IFT74: variants seen among roughly 807,000 people sequenced by gnomAD.
IFT74 encodes the protein intraflagellar transport 74, also known as intraflagellar transport protein 74 homolog.
In IFT74, 92 loss-of-function variants were observed where a neutral mutation model predicts 96.7. The ratio of observed to expected loss-of-function variants is 0.95; its 90% CI spans 0.80 to 1.13. The LOEUF (loss-of-function observed/expected upper bound fraction) is 1.13. Among genes scored for constraint, IFT74 ranks in the 50% most tolerant of loss-of-function variants. The pLI is 0.00. For synonymous variants in IFT74, 223 were observed against 213.2 expected (o/e 1.05, Z -0.40); for missense variants, 811 against 698.2 (o/e 1.16, Z -1.82).
At chr9:26,957,446 A>C (rs1826163113) in intron 1 of IFT74, among the ~76,000 whole-genome samples, 1 of 152,176 alleles carries the variant, frequency 6.6e-6, no homozygotes, top group African/African-American at 2.4e-5. Context: ...TCCTTTTTCC[A>C]TTTGAAATTC....
rs1270199428 is a variant in IFT74 at position 26,962,057 on chromosome 9, C to T, written c.90C>T (p.Pro30=). ...GAAGGCCTCCTTCTGGGATACGACC[C>T]CTATCAGGAAATATTCGAGTGGCAA... ...LTGRPPSGIR[P]LSGNIRVATA... The change falls in exon 2 of 20, where the codon CCC becomes CCT. Residue 30 remains proline (P), a synonymous_variant. Coordinates refer to ENST00000380062, the MANE Select transcript of IFT74 (RefSeq NM_025103.4). 1 of 1,614,118 alleles carries T rather than the reference C, an allele frequency of 6.2e-7. No individual in the cohort carries two copies. Among genetic ancestry groups the T allele is most frequent in the Non-Finnish European group, 8.5e-7 (1 of 1,180,012 alleles).
In IFT74 at chr9:27,052,468, A is replaced by G. The variant is rs151136592; in HGVS notation, c.1334-3141A>G. ...GGTTGCAGTGAGCCGAGATCGCGCCATTGCACTCCAGCCTGGGCAACAGAG... is the reference window on the plus strand; with the variant it reads ...GGTTGCAGTGAGCCGAGATCGCGCCGTTGCACTCCAGCCTGGGCAACAGAG... On this transcript the variant is annotated intron_variant, in intron 16 of 19. Coordinates refer to ENST00000380062, the MANE Select transcript of IFT74 (RefSeq NM_025103.4). 2.3e-3 allele frequency among the ~76,000 whole-genome samples: 336 copies of G among 147,442 alleles called. 1 individual carries two copies. Among genetic ancestry groups the G allele is most frequent in the African/African-American group, 7.7e-3 (306 of 39,650 alleles).
intron 8 of IFT74, chr9:26,995,211 G>T (rs1054778774): frequency 3.1e-5 from 6 of 191,756 alleles, no homozygotes; most frequent in Admixed American, 2.1e-4. Flanking sequence ...GTTAATATGA[G>T]AATCCATTCA....
intron 18 of IFT74, 113 bp downstream of exon 18, chr9:27,056,572 T>A: frequency 1.2e-6 from 1 of 833,494 alleles, no homozygotes. Context: ...TTTCTGACTT[T>A]TAAGACAGCC....
intron 2 of IFT74, among the ~76,000 whole-genome samples, chr9:26,967,000 T>G (rs1307950892): frequency 6.6e-6 from 1 of 152,030 alleles, no homozygotes; most frequent in Non-Finnish European, 1.5e-5. Context: ...ATTTCTGGGT[T>G]CTCTATTCTG....
At chr9:27,046,064 A>T (rs1226369972) in intron 14 of IFT74, among the ~76,000 whole-genome samples, 1 of 152,182 alleles carries the variant, frequency 6.6e-6, no homozygotes, top group Admixed American at 6.5e-5. Context: ...CCTAGCTCAG[A>T]TTTCTTTCCA....
intron 13 of IFT74, among the ~76,000 whole-genome samples, chr9:27,040,522 G>A (rs1334826277): frequency 7.8e-6 from 1 of 128,354 alleles, no homozygotes; most frequent in Non-Finnish European, 1.5e-5. Flanking sequence ...TCCAGCCTGG[G>A]CAACAGAACG....
intron 8 of IFT74, among the ~76,000 whole-genome samples, chr9:26,996,057 T>C (rs894059646): frequency 6.6e-6 from 1 of 152,348 alleles, no homozygotes; most frequent in East Asian, 1.9e-4. Context: ...AAGACCATTA[T>C]TGATTTATAC....
intron 12 of IFT74, among the ~76,000 whole-genome samples, chr9:27,026,554 AAGAC>A (rs1446951271): frequency 6.6e-6 from 1 of 152,232 alleles, no homozygotes; most frequent in African/African-American, 2.4e-5. Context: ...GACGTCCTGC[AAGAC>A]AGACCATATG....
At chr9:27,011,716 A>C (rs1326586396) in intron 9 of IFT74, among the ~76,000 whole-genome samples, 190 bp from the exon 10 acceptor site, 1 of 151,820 alleles carries the variant, frequency 6.6e-6, no homozygotes, top group Non-Finnish European at 1.5e-5. Flanking sequence ...GAAAAATAGA[A>C]ATAATGAAGT....
chr9:27,021,205 A>C (rs1214418809), intron 12 of IFT74, among the ~76,000 whole-genome samples: 2 of 152,184 alleles, frequency 1.3e-5, no homozygotes, highest in African/African-American at 4.8e-5. Flanking sequence ...ACACACATAC[A>C]TACCACATTT....
At chr9:27,002,714 A>G (rs1484685302) in intron 8 of IFT74, among the ~76,000 whole-genome samples, 1 of 152,180 alleles carries the variant, frequency 6.6e-6, no homozygotes, top group Non-Finnish European at 1.5e-5. Context: ...TTTTGAAGTC[A>G]GGTAGTGTGA....
Position 27,029,005 on chromosome 9 carries a change from A to G in IFT74, c.975-20A>G, listed in dbSNP as rs1363112422. 10 of 1,556,568 alleles carry G rather than the reference A, an allele frequency of 6.4e-6. No homozygotes were observed. Among genetic ancestry groups the G allele is most frequent in the Non-Finnish European group, 8.7e-6 (10 of 1,144,496 alleles). On this transcript the variant is annotated intron_variant, in intron 12 of 19. Transcript: ENST00000380062. ...ATGTCTATATTTCCTTCATAAATTC[A>G]TTAAAAATATTTTCAACAGGTTAAC...
chr9:26,964,107 T>G lies in IFT74; in HGVS notation c.120+2020T>G, dbSNP rs1467014976. ...TTTTTATGGTTTTAGGTCTAACGTT[T>G]AAGTCTTTAATCCATCTTGAATTGA... On this transcript the variant is annotated intron_variant, in intron 2 of 19. Coordinates refer to ENST00000380062, the MANE Select transcript of IFT74 (RefSeq NM_025103.4). Among the ~76,000 whole-genome samples the G allele has an allele frequency of 7.9e-5, 11 of 138,674 alleles. No individual in the cohort carries two copies. The East Asian group carries it at 2.1e-3, about 26-fold the overall frequency. 91.0% of individuals were successfully genotyped at this position (138,674 alleles called of 152,430 possible). A position where few individuals can be genotyped will look rare whatever the true frequency, so the allele number is the denominator to read the frequency against.
At chr9:27,057,717 G>C (rs903573309) in intron 18 of IFT74, among the ~76,000 whole-genome samples, 2 of 152,050 alleles carry the variant, frequency 1.3e-5, no homozygotes, top group Admixed American at 6.6e-5. Context: ...AATTAGCCAG[G>C]AGTGGTGGCG....
intron 16 of IFT74, among the ~76,000 whole-genome samples, chr9:27,049,439 A>G (rs1179349093): frequency 2.0e-5 from 3 of 152,168 alleles, no homozygotes; most frequent in South Asian, 2.1e-4. Flanking sequence ...GGGTCATCCC[A>G]GGGATGCAGA....
In IFT74 at chr9:27,056,447, G is replaced by C; in HGVS notation, c.1611G>C (p.Glu537Asp). 1 of 1,594,172 alleles carries C rather than the reference G, an allele frequency of 6.3e-7. No individual in the cohort carries two copies. Among genetic ancestry groups the C allele is most frequent in the Non-Finnish European group, 8.5e-7 (1 of 1,172,368 alleles). Reference protein sequence around the residue: ...EALKTQLQENETHSQLTNLER... With the variant: ...EALKTQLQENDTHSQLTNLER... ...TAAAAACACAATTGCAAGAAAATGAGACACATTCTCAGGTAAAAAATGTTT... is the reference window on the plus strand; with the variant it reads ...TAAAAACACAATTGCAAGAAAATGACACACATTCTCAGGTAAAAAATGTTT... The change falls in exon 18 of 20, where the codon GAG (glutamate) becomes GAC (aspartate). Residue 537 changes from glutamate to aspartate, a missense_variant. Transcript: ENST00000380062.
intron 1 of IFT74, among the ~76,000 whole-genome samples, chr9:26,951,285 TGGCAACTTAGTAGGAAAACCCA>T (rs1774611041): frequency 6.6e-6 from 1 of 152,238 alleles, no homozygotes; most frequent in South Asian, 2.1e-4. Flanking sequence ...GGTTCAGGGC[TGGCAACTTAGTAGGAAAACCCA>T]GGCAAACTAA....
intron 2 of IFT74, among the ~76,000 whole-genome samples, chr9:26,967,780 T>G (rs1826689794): frequency 1.3e-5 from 2 of 152,178 alleles, no homozygotes; most frequent in Non-Finnish European, 2.9e-5. Flanking sequence ...TATACCTGGT[T>G]TTTTGAGGAT....
Sources: allele counts gnomAD v4.1 joint callset (sites outside exome capture counted in the v4.1 genomes callset), GRCh38; gene constraint gnomAD v4.1.1; transcripts MANE v1.5; gene names NCBI Gene and HGNC (gene_info 2026-07-23, HGNC 2026-07-21).